The following DLG2 variants were observed in gnomAD, a reference collection of about 807,000 sequenced individuals.
DLG2 encodes discs large MAGUK scaffold protein 2, also known as disks large homolog 2.
Under a neutral mutation model 132.5 loss-of-function variants are expected in DLG2, and 45 were observed. The ratio of observed to expected loss-of-function variants is 0.34; its 90% confidence interval spans 0.27 to 0.44. DLG2 has a LOEUF of 0.44. Ranked by LOEUF, DLG2 falls within the 20% of genes least tolerant of loss-of-function variation. DLG2 has a pLI of 1.00. For synonymous variants in DLG2, 424 were observed against 419.6 expected (o/e 1.01, Z -0.13); for missense variants, 1,045 against 1,196.9 (o/e 0.87, Z 1.87).
intron 6 of DLG2, among the ~76,000 whole-genome samples, chr11:84,667,655 C>G (rs1379808321): frequency 6.6e-6 from 1 of 150,702 alleles, no homozygotes; most frequent in South Asian, 2.2e-4. Context: ...CACCACCACG[C>G]CTAGCTAATT....
At chr11:85,014,786 T>C (rs1233001899) in intron 6 of DLG2, among the ~76,000 whole-genome samples, 1 of 152,198 alleles carries the variant, frequency 6.6e-6, no homozygotes, top group Non-Finnish European at 1.5e-5. Context: ...CCTTTCTACC[T>C]GTCCAGGGTA....
chr11:84,847,786 C>G (rs1723926955), intron 6 of DLG2, among the ~76,000 whole-genome samples: 1 of 152,098 alleles, frequency 6.6e-6, no homozygotes, highest in Non-Finnish European at 1.5e-5. Flanking sequence ...GCCCCACAGA[C>G]CTCAGATTCT....
intron 7 of DLG2, among the ~76,000 whole-genome samples, chr11:84,477,138 T>C (rs1258975980): frequency 6.6e-6 from 1 of 152,140 alleles, no homozygotes; most frequent in African/African-American, 2.4e-5. Flanking sequence ...TAGGCTTCTA[T>C]AGTCTGAGTA....
intron 3 of DLG2, among the ~76,000 whole-genome samples, chr11:85,512,992 C>A (rs1472326111): frequency 1.3e-5 from 2 of 151,940 alleles, no homozygotes; most frequent in Non-Finnish European, 2.9e-5. Flanking sequence ...ACATATACAC[C>A]ATGGAATACT....
At chr11:85,075,374 C>T (rs1333966314) in intron 6 of DLG2, among the ~76,000 whole-genome samples, 2 of 151,750 alleles carry the variant, frequency 1.3e-5, no homozygotes, top group Non-Finnish European at 1.5e-5. Context: ...TGCATCATTC[C>T]TAAAATCTGT....
intron 3 of DLG2, among the ~76,000 whole-genome samples, chr11:85,286,495 A>G (rs1353542201): frequency 6.6e-6 from 1 of 152,160 alleles, no homozygotes; most frequent in Non-Finnish European, 1.5e-5. Flanking sequence ...CATAGTAATA[A>G]CAAACAAAAC....
chr11:85,299,730 CA>C (rs2152789067), intron 3 of DLG2, among the ~76,000 whole-genome samples: 1 of 152,270 alleles, frequency 6.6e-6, no homozygotes, highest in South Asian at 2.1e-4. Context: ...GCTGTATCAC[CA>C]GAGTTTCTGA....
chr11:85,356,649 CA>C (rs1279193346), intron 3 of DLG2, among the ~76,000 whole-genome samples: 1 of 152,084 alleles, frequency 6.6e-6, no homozygotes, highest in African/African-American at 2.4e-5. Context: ...TCAATGATCT[CA>C]AGCTTTTATT....
At chr11:85,220,639 T>A (rs71482576) in intron 4 of DLG2, among the ~76,000 whole-genome samples, 23,325 of 140,394 alleles carry the variant, frequency 0.17, 2,114 homozygotes, top group Non-Finnish European at 0.22. Flanking sequence ...GAAAAAAAAA[T>A]ATATATATAT....
intron 17 of DLG2, among the ~76,000 whole-genome samples, chr11:83,802,176 G>A (rs1332165523): frequency 6.6e-6 from 1 of 151,798 alleles, no homozygotes; most frequent in African/African-American, 2.4e-5. Context: ...AAATTGTAGA[G>A]CAACCAATAT....
intron 6 of DLG2, among the ~76,000 whole-genome samples, chr11:84,586,323 TTAACTC>T (rs2099529850): frequency 6.6e-6 from 1 of 152,214 alleles, no homozygotes; most frequent in Non-Finnish European, 1.5e-5. Context: ...ATGATCTTCT[TTAACTC>T]TAATAGTCTA....
chr11:83,463,266 A>AC (rs1045033660), intron 26 of DLG2, among the ~76,000 whole-genome samples: 3 of 152,036 alleles, frequency 2.0e-5, no homozygotes, highest in East Asian at 1.9e-4. Context: ...GAAAAAAAAA[A>AC]AACAATATAT....
At chr11:84,685,759 G>A (rs2099737560) in intron 6 of DLG2, among the ~76,000 whole-genome samples, 1 of 151,942 alleles carries the variant, frequency 6.6e-6, no homozygotes, top group South Asian at 2.1e-4. Flanking sequence ...AGGCTGGAGT[G>A]CAGTGGCGCG....
intron 4 of DLG2, among the ~76,000 whole-genome samples, chr11:85,202,397 G>C (rs1191698546): frequency 6.6e-6 from 1 of 151,976 alleles, no homozygotes; most frequent in Non-Finnish European, 1.5e-5. Flanking sequence ...AATATATAAA[G>C]TAAATACTAA....
intron 19 of DLG2, among the ~76,000 whole-genome samples, chr11:83,598,458 AAG>A (rs1172172674): frequency 2.6e-5 from 4 of 152,206 alleles, no homozygotes; most frequent in African/African-American, 9.6e-5. Flanking sequence ...GTGTAGTAGA[AAG>A]AGTCTGGATT....
At chr11:84,867,577 A>C (rs2084772763) in intron 6 of DLG2, among the ~76,000 whole-genome samples, 1 of 152,192 alleles carries the variant, frequency 6.6e-6, no homozygotes, top group African/African-American at 2.4e-5. Context: ...ACAAAGTAAA[A>C]ACTTACAGAG....
intron 6 of DLG2, among the ~76,000 whole-genome samples, chr11:84,896,291 T>C (rs1047353984): frequency 2.6e-5 from 4 of 152,138 alleles, no homozygotes; most frequent in Middle Eastern, 3.4e-3. Context: ...GTGCCAAAGA[T>C]GGTGATGAAG....
chr11:83,860,090 C>G (rs577049376), intron 16 of DLG2, among the ~76,000 whole-genome samples: 55 of 152,134 alleles, frequency 3.6e-4, no homozygotes, highest in Admixed American at 2.7e-3. Flanking sequence ...AAGTTTGCTG[C>G]AGGGGTACAG....
intron 6 of DLG2, among the ~76,000 whole-genome samples, chr11:85,105,793 T>A (rs1343280456): frequency 2.0e-5 from 3 of 151,906 alleles, no homozygotes; most frequent in Non-Finnish European, 4.4e-5. Context: ...TGGGTCTAAT[T>A]TCCCAGCAGC....
Sources: gnomAD v4.1 joint callset for allele counts (sites outside exome capture counted in the v4.1 genomes callset) on GRCh38, gnomAD v4.1.1 for gene constraint, MANE v1.5 for transcripts, NCBI Gene and HGNC (gene_info 2026-07-23, HGNC 2026-07-21) for gene names.